The following ARHGAP21 variants were observed in gnomAD, a reference collection of about 807,000 sequenced individuals.
ARHGAP21 encodes the protein rho GTPase-activating protein 21.
ARHGAP21 carries 38 observed loss-of-function variants against 164.6 expected under a neutral mutation model. The ratio of observed to expected loss-of-function variants is 0.23; its 90% confidence interval spans 0.18 to 0.30. The LOEUF is 0.30. Ranked by LOEUF, ARHGAP21 falls within the 10% of genes least tolerant of loss-of-function variation. The pLI is 1.00. For synonymous variants in ARHGAP21, 766 were observed against 857.9 expected (o/e 0.89, Z 1.87); for missense variants, 1,822 against 2,370.7 (o/e 0.77, Z 4.81).
intron 12 of ARHGAP21, among the ~76,000 whole-genome samples, chr10:24,602,799 G>A (rs1427926395): frequency 6.6e-6 from 1 of 152,168 alleles, no homozygotes; most frequent in African/African-American, 2.4e-5. Context: ...CCAGGTGAAA[G>A]ATGACGGCAG....
intron 12 of ARHGAP21, among the ~76,000 whole-genome samples, chr10:24,603,843 C>G (rs908661919): frequency 3.3e-5 from 5 of 152,020 alleles, no homozygotes; most frequent in Non-Finnish European, 5.9e-5. Context: ...ACTAAAAATA[C>G]AAAAATTAGC....
At chr10:24,675,009 T>C (rs558440351) in intron 2 of ARHGAP21, among the ~76,000 whole-genome samples, 61 of 152,294 alleles carry the variant, frequency 4.0e-4, no homozygotes, top group African/African-American at 1.4e-3. Flanking sequence ...AATGGTACAC[T>C]TTGGAAAACA....
chr10:24,713,439 T>C (rs530622263), intron 2 of ARHGAP21, among the ~76,000 whole-genome samples: 6 of 152,312 alleles, frequency 3.9e-5, no homozygotes, highest in African/African-American at 1.4e-4. Context: ...GTTTTTTTAT[T>C]TTTATTTTTT....
At position 24,601,633 on chromosome 10, in the gene ARHGAP21, C is replaced by CT. The variant is rs1360239277; in HGVS notation, c.2847+344dup. 5.9e-5 allele frequency among the ~76,000 whole-genome samples: 9 copies of CT among 152,186 alleles called. No individual in the cohort carries two copies. In the South Asian group the frequency reaches 1.9e-3, roughly 32 times the overall value. ...AGAAAAGAGACATAAAAATTTAAAA[C>CT]TGATTTGCCACTTCCTAAAGGACAA... On this transcript the variant is annotated intron_variant, in intron 13 of 25. Transcript: ENST00000396432.
chr10:24,722,794 C>G (rs1182622423), intron 1 of ARHGAP21: 1 of 151,910 alleles, frequency 6.6e-6, no homozygotes, highest in South Asian at 2.1e-4. Context: ...CCGGCGTCCC[C>G]GAGGAGGCGG....
chr10:24,648,550 T>C (rs1837821381), intron 4 of ARHGAP21, among the ~76,000 whole-genome samples: 1 of 152,052 alleles, frequency 6.6e-6, no homozygotes, highest in African/African-American at 2.4e-5. Context: ...GAGGCCGAGG[T>C]GGGTGGATCA....
chr10:24,597,608 A>C, intron 15 of ARHGAP21, 25 bp from the exon 16 acceptor site: 1 of 1,613,132 alleles, frequency 6.2e-7, no homozygotes, highest in Non-Finnish European at 8.5e-7. Flanking sequence ...GACATTTGTT[A>C]ACAATTACAG....
chr10:24,608,682 C>CTGA (rs763450497), intron 9 of ARHGAP21, among the ~76,000 whole-genome samples: 16 of 152,238 alleles, frequency 1.1e-4, no homozygotes, highest in South Asian at 1.0e-3. Context: ...ATCAAGAGGA[C>CTGA]TGATAATGTT....
chr10:24,610,114 C>T (rs2077190310), intron 9 of ARHGAP21, among the ~76,000 whole-genome samples: 1 of 152,164 alleles, frequency 6.6e-6, no homozygotes, highest in Non-Finnish European at 1.5e-5. Flanking sequence ...GTGGTGCCCA[C>T]GCCTGTGATC....
At chr10:24,656,501 C>T (rs1381544153) in intron 4 of ARHGAP21, among the ~76,000 whole-genome samples, 11 of 75,454 alleles carry the variant, frequency 1.5e-4, no homozygotes, top group African/African-American at 4.8e-4. Flanking sequence ...CCAGCCGCCC[C>T]GTCCGGGAGG....
chr10:24,595,828 A>G, intron 18 of ARHGAP21, 33 bp from the exon 19 acceptor site: 2 of 1,606,768 alleles, frequency 1.2e-6, no homozygotes, highest in Non-Finnish European at 1.7e-6. Context: ...TAGTATTTTC[A>G]TATCCAGTTC....
At chr10:24,603,928 G>A (rs1490388369) in intron 12 of ARHGAP21, among the ~76,000 whole-genome samples, 1 of 151,920 alleles carries the variant, frequency 6.6e-6, no homozygotes, top group African/African-American at 2.4e-5. Flanking sequence ...CCCGGGAGGT[G>A]GAGGTTGAAA....
rs776995153 is a variant in ARHGAP21, at chr10:24,594,694, TGA to T, written c.3876+254_3876+255del. ...AAAATATTGATATACAGCTAAAAAA[TGA>T]GAGAAGTAAAATTTCTGACTTTTTC... On this transcript the variant is annotated intron_variant, in intron 21 of 25. Transcript: ENST00000396432. Among the ~76,000 whole-genome samples the T allele has an allele frequency of 2.5e-3, 385 of 152,262 alleles. 2 individuals carry two copies. The highest frequency in any genetic ancestry group is 3.7e-3 in the Non-Finnish European group (251 of 67,994).
intron 11 of ARHGAP21, among the ~76,000 whole-genome samples, chr10:24,605,574 C>T (rs562870704): frequency 6.6e-6 from 1 of 152,214 alleles, no homozygotes; most frequent in African/African-American, 2.4e-5. Context: ...AGTAGCTGCT[C>T]CAGAAAGAAC....
At chr10:24,716,368 C>A (rs1003956676) in intron 2 of ARHGAP21, among the ~76,000 whole-genome samples, 1 of 152,188 alleles carries the variant, frequency 6.6e-6, no homozygotes, top group East Asian at 1.9e-4. Flanking sequence ...AAGCTTCACT[C>A]GGAAGGTGAC....
chr10:24,688,969 G>A (rs1316073284), intron 2 of ARHGAP21, among the ~76,000 whole-genome samples: 1 of 152,104 alleles, frequency 6.6e-6, no homozygotes, highest in Non-Finnish European at 1.5e-5. Flanking sequence ...ATTGAATACT[G>A]TATACAGAGC....
chr10:24,707,781 C>T (rs10734055), intron 2 of ARHGAP21, among the ~76,000 whole-genome samples: 74,061 of 151,836 alleles, frequency 0.49, 18,342 homozygotes, highest in Middle Eastern at 0.54. Context: ...TTTTCCACTC[C>T]ACCGGCACTG....
At chr10:24,666,961 T>C (rs2131735815) in intron 4 of ARHGAP21, 24 bp downstream of exon 4, 1 of 1,418,708 alleles carries the variant, frequency 7.0e-7, no homozygotes, top group Non-Finnish European at 9.7e-7. Flanking sequence ...CATTCAGAGA[T>C]AAATTAAAAT....
At chr10:24,611,878 C>T (rs1057431470) in intron 9 of ARHGAP21, among the ~76,000 whole-genome samples, 3 of 152,092 alleles carry the variant, frequency 2.0e-5, no homozygotes, top group Non-Finnish European at 2.9e-5. Context: ...TGCCCTGTCC[C>T]TGTAACCAAG....
Sources: allele counts gnomAD v4.1 joint callset (sites outside exome capture counted in the v4.1 genomes callset), GRCh38; gene constraint gnomAD v4.1.1; transcripts MANE v1.5; gene names NCBI Gene and HGNC (gene_info 2026-07-23, HGNC 2026-07-21).